Variants in IQSEC2 observed in about 807,000 individuals in gnomAD.
IQSEC2 encodes the protein IQ motif and Sec7 domain ArfGEF 2.
Under a neutral mutation model 74.6 loss-of-function variants are expected in IQSEC2, and 6 were observed. The observed-to-expected ratio is 0.08, with a 90% CI of 0.04 to 0.16. The LOEUF (loss-of-function observed/expected upper bound fraction) is 0.16, where lower values mean the gene tolerates loss of function less well. Ranked by LOEUF, IQSEC2 falls within the 10% of genes least tolerant of loss-of-function variation. The pLI is 1.00. For synonymous variants in IQSEC2, 494 were observed against 544.5 expected, an observed-to-expected ratio of 0.91 and a Z score of 1.29; for missense variants, 734 against 1,306.2, an observed-to-expected ratio of 0.56 and a Z score of 6.75.
rs373333884 is a variant in IQSEC2 at position 53,317,773 on chromosome X, G to C, written c.707+2644C>G. Among the ~76,000 whole-genome samples the C allele has an allele frequency of 3.6e-5, 4 of 112,633 alleles. No individual in the cohort carries two copies. In the South Asian group the frequency reaches 1.5e-3, roughly 41 times the overall value. On this transcript the variant is annotated intron_variant, in intron 1 of 14. Coordinates refer to ENST00000642864, the MANE Select transcript of IQSEC2 (RefSeq NM_001111125.3). ...ACCCTGCCTGCCCTCGCTTCCAGCG[G>C]CTTCTCACCCACTCCTTACAAACCC...
intron 2 of IQSEC2, among the ~76,000 whole-genome samples, chrX:53,263,193 G>A (rs988018280): frequency 6.3e-5 from 7 of 111,878 alleles, no homozygotes; most frequent in African/African-American, 9.8e-5. Context: ...GAAGCAACCC[G>A]GGAGGAAGCA....
intron 2 of IQSEC2, among the ~76,000 whole-genome samples, chrX:53,260,122 T>G (rs782481313): frequency 2.7e-5 from 3 of 111,516 alleles, no homozygotes; most frequent in Non-Finnish European, 5.7e-5. Context: ...GGTGAAGTGC[T>G]AGGAAGGAAA....
intron 1 of IQSEC2, among the ~76,000 whole-genome samples, chrX:53,307,909 G>A (rs187529553): frequency 7.1e-5 from 7 of 98,853 alleles, no homozygotes; most frequent in African/African-American, 1.9e-4. Flanking sequence ...AAAAAAGGCC[G>A]GGCACGGCGG....
intron 2 of IQSEC2, among the ~76,000 whole-genome samples, chrX:53,256,561 C>T (rs2074472737): frequency 9.0e-6 from 1 of 111,400 alleles, no homozygotes; most frequent in African/African-American, 3.3e-5. Context: ...GCCACCCCCT[C>T]CCAGCCCTGT....
chrX:53,288,677 C>G (rs1356446349), intron 2 of IQSEC2, among the ~76,000 whole-genome samples: 5 of 112,123 alleles, frequency 4.5e-5, no homozygotes, highest in Non-Finnish European at 7.5e-5. Context: ...TGTTGCACCA[C>G]TATTTCACAC....
chrX:53,248,915 G>C, intron 5 of IQSEC2, 33 bp from the exon 6 acceptor site: 1 of 1,187,207 alleles, frequency 8.4e-7, no homozygotes, highest in Non-Finnish European at 1.1e-6. Context: ...TGAGATGACT[G>C]TCCTCCTGGA....
At chrX:53,243,199 G>A (rs2074251208) in intron 9 of IQSEC2, 133 bp downstream of exon 9, 2 of 505,978 alleles carry the variant, frequency 4.0e-6, no homozygotes, top group Non-Finnish European at 6.8e-6. Context: ...ACAGCCTTCT[G>A]AGGAATGCAT....
chrX:53,244,216 C>CAA (rs782494862), intron 8 of IQSEC2, among the ~76,000 whole-genome samples: 8 of 58,887 alleles, frequency 1.4e-4, no homozygotes, highest in Non-Finnish European at 1.9e-4. Flanking sequence ...GACTCTGTCT[C>CAA]AAAAAAAAAA....
intron 2 of IQSEC2, among the ~76,000 whole-genome samples, chrX:53,256,491 C>T (rs782767469): frequency 9.0e-6 from 1 of 110,667 alleles, no homozygotes; most frequent in East Asian, 2.9e-4. Context: ...ACGCAGTGCT[C>T]GCTGTGATTT....
intron 1 of IQSEC2, among the ~76,000 whole-genome samples, chrX:53,309,765 C>G (rs1320621199): frequency 8.9e-6 from 1 of 111,964 alleles, no homozygotes; most frequent in Non-Finnish European, 1.9e-5. Context: ...GTGCTTACTC[C>G]AAGAACACAG....
chrX:53,247,258 G>T, intron 7 of IQSEC2, 123 bp from the exon 8 acceptor site: 1 of 648,430 alleles, frequency 1.5e-6, no homozygotes, highest in Non-Finnish European at 2.4e-6. Context: ...CTCTGGGTCT[G>T]TCCTCTTCAG....
intron 2 of IQSEC2, among the ~76,000 whole-genome samples, chrX:53,265,516 A>G (rs889726108): frequency 9.0e-6 from 1 of 111,567 alleles, no homozygotes; most frequent in Non-Finnish European, 1.9e-5. Context: ...CAAGGAGAAG[A>G]AAAAACTTGC....
intron 2 of IQSEC2, among the ~76,000 whole-genome samples, chrX:53,275,557 G>C (rs1556869367): frequency 2.9e-4 from 32 of 111,352 alleles, no homozygotes; most frequent in African/African-American, 1.0e-3. Context: ...ACTCCCCACT[G>C]ATTTGAGATG....
chrX:53,279,778 TG>T, intron 2 of IQSEC2: 1 of 468,814 alleles, frequency 2.1e-6, no homozygotes, highest in Non-Finnish European at 3.8e-6. Context: ...AAGGGAAGGC[TG>T]GGAGGAATGG....
intron 3 of IQSEC2, 109 bp from the exon 4 acceptor site, chrX:53,255,040 C>G: frequency 1.3e-6 from 1 of 775,569 alleles, no homozygotes; most frequent in East Asian, 3.4e-5. Flanking sequence ...CTGCTTACAG[C>G]CACCGAGAGC....
intron 1 of IQSEC2, among the ~76,000 whole-genome samples, chrX:53,294,585 T>C (rs1361070476): frequency 1.8e-5 from 2 of 111,811 alleles, no homozygotes; most frequent in Non-Finnish European, 3.8e-5. Context: ...TGGACCTTGG[T>C]TCTTCACCTG....
downstream of IQSEC2, chrX:53,227,707 G>A (rs1207299026): frequency 1.6e-5 from 4 of 251,423 alleles, no homozygotes; most frequent in African/African-American, 5.7e-5. Context: ...GGGAGAATAC[G>A]GTAGATCTTA....
chrX:53,231,267 G>C (rs1344664776), downstream of IQSEC2: 6 of 111,207 alleles, frequency 5.4e-5, no homozygotes, highest in African/African-American at 2.0e-4. Context: ...CATCTTGCAA[G>C]GGTTGGGAAA....
At chrX:53,227,834 C>G (rs1203165308), downstream of IQSEC2, 1 of 166,406 alleles carries the variant, frequency 6.0e-6, no homozygotes, top group African/African-American at 3.0e-5. Context: ...CTACAGCCTT[C>G]TTTGAGGTCC....
Sources: gnomAD v4.1 joint callset for allele counts (sites outside exome capture counted in the v4.1 genomes callset) on GRCh38, gnomAD v4.1.1 for gene constraint, MANE v1.5 for transcripts, NCBI Gene and HGNC (gene_info 2026-07-23, HGNC 2026-07-21) for gene names.